Variants in ATP13A5 observed in about 807,000 individuals in gnomAD.
ATP13A5 encodes the protein ATPase 13A5, also known as probable cation-transporting ATPase 13A5.
A neutral mutation model predicts 150.2 loss-of-function variants in ATP13A5; 149 were observed. That is an observed-to-expected ratio of 0.99 (90% CI 0.87 to 1.14). The LOEUF is 1.14. Ranked by LOEUF, ATP13A5 falls within the 50% of genes most tolerant of loss-of-function variation. ATP13A5 has a pLI of 0.00. For missense variants in ATP13A5, 1,383 were observed against 1,449.3 expected (o/e 0.95, Z 0.74); for synonymous variants, 497 against 522.2 (o/e 0.95, Z 0.66).
At chr3:193,319,179 C>T (rs946124336) in intron 16 of ATP13A5, 71 bp from the exon 17 acceptor site, 11 of 1,101,736 alleles carry the variant, frequency 1.0e-5, no homozygotes, top group Admixed American at 3.7e-5. Flanking sequence ...CTCCAGGACA[C>T]AGCCATTGTA....
chr3:193,348,200 C>T lies in ATP13A5; in HGVS notation c.741+2867G>A, dbSNP rs1277245559. ...CTTGCCATGACTGCAAAGCTCGTTG[C>T]CTGATTTTCATTAGGCCACCTTTAG... On this transcript the variant is annotated intron_variant, in intron 7 of 29. Transcript: ENST00000342358. 2.0e-5 allele frequency among the ~76,000 whole-genome samples: 3 copies of T among 152,168 alleles called. No individual in the cohort carries two copies. The East Asian group carries it at 5.8e-4, about 29-fold the overall frequency.
At position 193,274,924 on chromosome 3, in the gene ATP13A5, A is replaced by G; in HGVS notation, c.*118T>C. 7.1e-7 allele frequency: 1 copy of G among 1,399,842 alleles called. No homozygotes were observed. The highest frequency in any genetic ancestry group is 9.8e-7 in the Non-Finnish European group (1 of 1,023,054). 86.7% of individuals were successfully genotyped at this position (1,399,842 alleles called of 1,614,324 possible). A position where few individuals can be genotyped will look rare whatever the true frequency, so the allele number is the denominator to read the frequency against. ...GCAAGGTTTAATTCATTGAAAATAT[A>G]CTTTGAATGCTTGAATGGAGAGAGG... On this transcript the variant is annotated 3_prime_UTR_variant, in exon 30 of 30. Transcript: ENST00000342358.
chr3:193,342,227 T>C (rs1009794850), intron 9 of ATP13A5, among the ~76,000 whole-genome samples: 12 of 152,364 alleles, frequency 7.9e-5, no homozygotes, highest in Admixed American at 6.5e-4. Context: ...GACTTCTATC[T>C]ATGCAAAGGA....
intron 12 of ATP13A5, among the ~76,000 whole-genome samples, 195 bp downstream of exon 12, chr3:193,330,928 A>G (rs990266621): frequency 3.0e-4 from 46 of 152,186 alleles, no homozygotes; most frequent in African/African-American, 1.0e-3. Flanking sequence ...TGTGCTGGCT[A>G]AGCTGCTAAC....
At chr3:193,370,038 C>T (rs1206157790) in intron 1 of ATP13A5, among the ~76,000 whole-genome samples, 1 of 152,172 alleles carries the variant, frequency 6.6e-6, no homozygotes, top group Non-Finnish European at 1.5e-5. Flanking sequence ...GATCTGCCAC[C>T]TGTTAGTTGA....
chr3:193,354,940 C>CTTTTTTTTTTTTTTTT lies in ATP13A5; in HGVS notation c.537-745_537-744insAAAAAAAAAAAAAAAA, dbSNP rs545467259. 3.0e-4 allele frequency among the ~76,000 whole-genome samples: 38 copies of CTTTTTTTTTTTTTTTT among 127,960 alleles called. 3 individuals are homozygous for CTTTTTTTTTTTTTTTT. Among genetic ancestry groups the CTTTTTTTTTTTTTTTT allele is most frequent in the African/African-American group, 8.0e-4 (27 of 33,590 alleles). 83.9% of individuals were successfully genotyped at this position (127,960 alleles called of 152,430 possible). On this transcript the variant is annotated intron_variant, in intron 5 of 29. Coordinates refer to ENST00000342358, the MANE Select transcript of ATP13A5 (RefSeq NM_198505.4). ...TCTAGTATGAATCACAACAATGTAA[C>CTTTTTTTTTTTTTTTT]TTTTTTTTTGAGATGGAGTTTCACT...
rs1713472330 is a variant in ATP13A5, at chr3:193,372,289, A to AG, written c.63+6373_63+6374insC. Reference sequence around the variant, plus strand: ...TCCAGCCTGGGCAAGACTCCACCTCAAAAAAAAAAAAAAAAAAAAAAAAGG... The same window carrying AG: ...TCCAGCCTGGGCAAGACTCCACCTCAGAAAAAAAAAAAAAAAAAAAAAAAGG... On this transcript the variant is annotated intron_variant, in intron 1 of 29. Coordinates refer to ENST00000342358, the MANE Select transcript of ATP13A5 (RefSeq NM_198505.4). The AG allele has an allele frequency of 3.8e-4, 6 of 15,922 alleles. 1 individual carries two copies. In the South Asian group the frequency reaches 4.6e-3, roughly 12 times the overall value. 1.0% of individuals were successfully genotyped at this position (15,922 alleles called of 1,614,324 possible). A position where few individuals can be genotyped will look rare whatever the true frequency, so the allele number is the denominator to read the frequency against.
intron 12 of ATP13A5, among the ~76,000 whole-genome samples, chr3:193,329,960 T>C (rs1711567446): frequency 6.6e-6 from 1 of 152,090 alleles, no homozygotes; most frequent in South Asian, 2.1e-4. Flanking sequence ...AGGCTCCTAT[T>C]CTGCTTCAAG....
rs1034448483 is a variant in ATP13A5, at chr3:193,274,984, A to G, written c.*58T>C. On this transcript the variant is annotated 3_prime_UTR_variant, in exon 30 of 30. Transcript: ENST00000342358. ...GGGAGAGTATCATCACTTCTCCACA[A>G]TGTGTTAATTTTGGGGAAAAAAGCA... The G allele has an allele frequency of 1.3e-6, 2 of 1,593,744 alleles. No individual in the cohort carries two copies. Among genetic ancestry groups the G allele is most frequent in the Non-Finnish European group, 1.7e-6 (2 of 1,168,590 alleles).
At position 193,282,120 on chromosome 3, in the gene ATP13A5, G is replaced by A. The variant is rs144836926; in HGVS notation, c.3227-2666C>T. Among the ~76,000 whole-genome samples, 28 of 151,930 alleles carry A rather than the reference G, an allele frequency of 1.8e-4. 1 individual carries two copies. The South Asian group carries it at 3.8e-3, about 20-fold the overall frequency. On this transcript the variant is annotated intron_variant, in intron 27 of 29. Coordinates refer to ENST00000342358, the MANE Select transcript of ATP13A5 (RefSeq NM_198505.4). ...CTGAGGCAGAGAATTGCTTGATCCC[G>A]GGAGGTGAAGGTTGCAGTGAGCCAA...
At chr3:193,342,496 C>T (rs1373185237) in intron 9 of ATP13A5, among the ~76,000 whole-genome samples, 5 of 152,166 alleles carry the variant, frequency 3.3e-5, no homozygotes, top group Non-Finnish European at 7.4e-5. Context: ...TGAAACTGGC[C>T]TCTATCGGTA....
intron 27 of ATP13A5, chr3:193,281,191 G>GGATTTGGA: frequency 1.0e-6 from 1 of 985,368 alleles, no homozygotes; most frequent in Non-Finnish European, 1.2e-6. Flanking sequence ...TTTACTTCAT[G>GGATTTGGA]GATTTGGAGT....
intron 23 of ATP13A5, among the ~76,000 whole-genome samples, chr3:193,302,736 CA>C (rs778689800): frequency 1.3e-5 from 2 of 152,132 alleles, no homozygotes; most frequent in Non-Finnish European, 2.9e-5. Flanking sequence ...TTTCAAAAGA[CA>C]AAGATGAAAA....
intron 17 of ATP13A5, 142 bp downstream of exon 17, chr3:193,318,849 C>T (rs1577346827): frequency 4.7e-6 from 3 of 632,498 alleles, no homozygotes; most frequent in Non-Finnish European, 8.4e-6. Context: ...AATTATCCAT[C>T]TCTGAGTCAG....
At chr3:193,351,780 G>A (rs1233650017) in intron 6 of ATP13A5, among the ~76,000 whole-genome samples, 2 of 152,178 alleles carry the variant, frequency 1.3e-5, no homozygotes, top group African/African-American at 4.8e-5. Flanking sequence ...TCTTCCCCAA[G>A]GCTGCAGAGC....
chr3:193,343,198 A>C (rs1392961784), intron 9 of ATP13A5, among the ~76,000 whole-genome samples: 1 of 152,182 alleles, frequency 6.6e-6, no homozygotes, highest in Non-Finnish European at 1.5e-5. Flanking sequence ...TAAAAGACAA[A>C]GTTTCTATTT....
chr3:193,347,151 C>A (rs1359231385), intron 7 of ATP13A5, among the ~76,000 whole-genome samples: 3 of 152,244 alleles, frequency 2.0e-5, no homozygotes, highest in African/African-American at 7.2e-5. Flanking sequence ...TATTTAAAAC[C>A]TGCAAGGCAT....
intron 11 of ATP13A5, among the ~76,000 whole-genome samples, chr3:193,333,193 A>ACACG (rs1553817674): frequency 4.6e-5 from 7 of 151,458 alleles, no homozygotes; most frequent in African/African-American, 1.7e-4. Context: ...ACACACACAC[A>ACACG]CGCTCATTGA....
chr3:193,371,347 G>A (rs1056984786), intron 1 of ATP13A5, among the ~76,000 whole-genome samples: 1 of 152,180 alleles, frequency 6.6e-6, no homozygotes, highest in Non-Finnish European at 1.5e-5. Flanking sequence ...TGCCTTACAG[G>A]GCTGCATACT....
Sources: allele counts gnomAD v4.1 joint callset (sites outside exome capture counted in the v4.1 genomes callset), GRCh38; gene constraint gnomAD v4.1.1; transcripts MANE v1.5; gene names NCBI Gene and HGNC (gene_info 2026-07-23, HGNC 2026-07-21).